Variants in CRYBG1 observed in about 807,000 individuals in gnomAD.
CRYBG1 encodes crystallin beta-gamma domain containing 1, also known as beta/gamma crystallin domain-containing protein 1.
A neutral mutation model predicts 189.2 loss-of-function variants in CRYBG1; 139 were observed. That is an observed-to-expected ratio of 0.73 (90% CI 0.64 to 0.85). CRYBG1 has a LOEUF of 0.85. CRYBG1 is among the 40% of genes least tolerant of loss of function. The pLI is 0.00. For missense variants in CRYBG1, 2,611 were observed against 2,675.8 expected (o/e 0.98, Z 0.53); for synonymous variants, 1,023 against 1,017.1 (o/e 1.01, Z -0.11).
intron 2 of CRYBG1, among the ~76,000 whole-genome samples, chr6:106,508,843 G>T (rs920486982): frequency 6.6e-6 from 1 of 151,782 alleles, no homozygotes; most frequent in African/African-American, 2.4e-5. Context: ...CTGCCCCTCT[G>T]AGGGGGGGAG....
chr6:106,371,431 T>C (rs1159213125), intron 1 of CRYBG1, among the ~76,000 whole-genome samples: 1 of 152,240 alleles, frequency 6.6e-6, no homozygotes, highest in Non-Finnish European at 1.5e-5. Context: ...CACTCTTGGC[T>C]CTACTGCCTT....
chr6:106,398,232 C>G (rs1316606973), intron 1 of CRYBG1, among the ~76,000 whole-genome samples: 2 of 151,946 alleles, frequency 1.3e-5, no homozygotes, highest in Non-Finnish European at 2.9e-5. Flanking sequence ...TCCAGCAAAC[C>G]GGCCAGGTAC....
intron 21 of CRYBG1, among the ~76,000 whole-genome samples, 194 bp downstream of exon 21, chr6:106,564,120 G>A (rs955506082): frequency 2.0e-5 from 3 of 152,044 alleles, no homozygotes; most frequent in Admixed American, 6.6e-5. Flanking sequence ...CGCCCTATGA[G>A]GCCTACATTA....
rs1022743186 is a variant in CRYBG1, at chr6:106,512,367, G to A, written c.1250G>A (p.Arg417Lys). The change falls in exon 3 of 22, where the codon AGG becomes AAG. Residue 417 changes from arginine to lysine, a missense_variant. Physicochemically the swap from Arg to Lys is conservative, Grantham distance 26 (BLOSUM62 2). Transcript: ENST00000633556. Reference protein sequence around the residue: ...DDMEKRSSGRRSGRRRGSQKS... With the variant: ...DDMEKRSSGRKSGRRRGSQKS... ...ATGGAGAAGAGGTCCAGCGGCCGTA[G>A]GTCGGGGAGGCGGAGGGGGTCGCAG... 3 of 1,611,490 alleles carry A rather than the reference G, an allele frequency of 1.9e-6. No homozygotes were observed. Among genetic ancestry groups the A allele is most frequent in the Non-Finnish European group, 2.5e-6 (3 of 1,179,438 alleles).
chr6:106,420,633 C>A (rs1221640971), intron 1 of CRYBG1: 5 of 152,434 alleles, frequency 3.3e-5, no homozygotes, highest in African/African-American at 1.2e-4. Context: ...AGATGAAGTA[C>A]CTTCAACATA....
At chr6:106,453,295 T>C (rs1047612368) in intron 2 of CRYBG1, among the ~76,000 whole-genome samples, 1 of 152,200 alleles carries the variant, frequency 6.6e-6, no homozygotes, top group African/African-American at 2.4e-5. Context: ...ATGACAAAAG[T>C]AGGTAGTGAA....
chr6:106,381,992 G>A (rs1770298634), intron 1 of CRYBG1, among the ~76,000 whole-genome samples: 1 of 152,126 alleles, frequency 6.6e-6, no homozygotes, highest in Admixed American at 6.6e-5. Flanking sequence ...CTTCTAGAAG[G>A]AAACACCTCT....
intron 2 of CRYBG1, among the ~76,000 whole-genome samples, chr6:106,508,543 A>T (rs1184453642): frequency 1.3e-5 from 2 of 152,222 alleles, no homozygotes; most frequent in East Asian, 3.8e-4. Context: ...ATTATAGATT[A>T]GATTTGCACT....
At chr6:106,372,407 A>C (rs1023996613) in intron 1 of CRYBG1, among the ~76,000 whole-genome samples, 4 of 152,004 alleles carry the variant, frequency 2.6e-5, no homozygotes, top group African/African-American at 9.7e-5. Flanking sequence ...ACGTGCCATC[A>C]CACCCAGCTA....
intron 2 of CRYBG1, among the ~76,000 whole-genome samples, chr6:106,500,049 T>G (rs1772968142): frequency 6.6e-6 from 1 of 152,216 alleles, no homozygotes; most frequent in Non-Finnish European, 1.5e-5. Flanking sequence ...TATACCCCAT[T>G]TGCTTTATCC....
rs577950821 is a variant in CRYBG1, at chr6:106,379,085, G to A, written c.173+18004G>A. On this transcript the variant is annotated intron_variant, in intron 1 of 21. Transcript: ENST00000633556. ...AATTGCTTGACCCCGGGAGGCAGAG[G>A]TTGCAGTGAGTTGAGATCGCGCCAC... Among the ~76,000 whole-genome samples the A allele has an allele frequency of 3.9e-3, 593 of 152,170 alleles. 3 individuals carry two copies. Among genetic ancestry groups the A allele is most frequent in the Non-Finnish European group, 6.3e-3 (428 of 68,010 alleles).
At chr6:106,414,770 C>T (rs531511418) in intron 1 of CRYBG1, among the ~76,000 whole-genome samples, 1 of 152,268 alleles carries the variant, frequency 6.6e-6, no homozygotes, top group Non-Finnish European at 1.5e-5. Flanking sequence ...GGTGTTGAGG[C>T]AGGCTTTTTA....
At chr6:106,481,777 A>G (rs1274043673) in intron 2 of CRYBG1, among the ~76,000 whole-genome samples, 1 of 152,104 alleles carries the variant, frequency 6.6e-6, no homozygotes, top group Non-Finnish European at 1.5e-5. Context: ...CCTATCCCTC[A>G]GGCCCATCAG....
intron 2 of CRYBG1, among the ~76,000 whole-genome samples, chr6:106,482,250 C>T (rs73761816): frequency 0.13 from 18,671 of 148,612 alleles, no homozygotes; most frequent in East Asian, 0.2. Context: ...TTCAAATCTT[C>T]ACCTCTTTCA....
chr6:106,454,880 G>A (rs780090162), intron 2 of CRYBG1: 1 of 152,396 alleles, frequency 6.6e-6, no homozygotes, highest in Non-Finnish European at 1.5e-5. Flanking sequence ...ACCAGTTACA[G>A]ATTTCTTTGT....
intron 1 of CRYBG1, among the ~76,000 whole-genome samples, chr6:106,425,668 G>T (rs1020228867): frequency 1.3e-5 from 2 of 152,164 alleles, no homozygotes; most frequent in Non-Finnish European, 2.9e-5. Flanking sequence ...TTTCGCTCTT[G>T]TCATTCAGGC....
At chr6:106,517,977 C>G (rs541139916) in intron 3 of CRYBG1, among the ~76,000 whole-genome samples, 1 of 152,258 alleles carries the variant, frequency 6.6e-6, no homozygotes, top group African/African-American at 2.4e-5. Flanking sequence ...ACAAAACCAA[C>G]AGTTGCATAA....
chr6:106,483,391 G>GTATATATATATATATATATATATAT, intron 2 of CRYBG1, among the ~76,000 whole-genome samples: 1 of 100,966 alleles, frequency 9.9e-6, no homozygotes, highest in Non-Finnish European at 2.3e-5. Context: ...TATATATATA[G>GTATATATATATATATATATATATAT]ATATATATAT....
chr6:106,478,613 A>G (rs1772382486), intron 2 of CRYBG1, among the ~76,000 whole-genome samples: 1 of 152,140 alleles, frequency 6.6e-6, no homozygotes, highest in African/African-American at 2.4e-5. Flanking sequence ...AAAACCAACC[A>G]CAGAGCCATA....
Sources: gnomAD v4.1 joint callset for allele counts (sites outside exome capture counted in the v4.1 genomes callset) on GRCh38, gnomAD v4.1.1 for gene constraint, MANE v1.5 for transcripts, NCBI Gene and HGNC (gene_info 2026-07-23, HGNC 2026-07-21) for gene names.